Variants in ITGA5 observed in about 807,000 individuals in gnomAD.
The protein encoded by ITGA5 is integrin subunit alpha 5.
In ITGA5, 55 loss-of-function variants were observed where a neutral mutation model predicts 146.3. That is an observed-to-expected ratio of 0.38 (90% CI 0.30 to 0.47). The LOEUF is 0.47. Ranked by LOEUF, ITGA5 falls within the 20% of genes least tolerant of loss-of-function variation. The pLI, the probability that ITGA5 is intolerant of heterozygous loss-of-function variation, is 0.99. For missense variants in ITGA5, 1,131 were observed against 1,329.0 expected (o/e 0.85, Z 2.32); for synonymous variants, 500 against 531.8 (o/e 0.94, Z 0.82).
chr12:54,410,026 T>G (rs1027555458), intron 2 of ITGA5, among the ~76,000 whole-genome samples: 2 of 151,986 alleles, frequency 1.3e-5, no homozygotes, highest in Admixed American at 1.3e-4. Flanking sequence ...CTGGCTAATT[T>G]TTGTATTTTT....
At position 54,403,518 on chromosome 12, in the gene ITGA5, C is replaced by A; in HGVS notation, c.1776+107G>T. The stretch of plus-strand genomic sequence containing the variant: ...CCCTTTCTCAGCCCCTACAAGAGTC[C>A]CAAGCCCTTCACTGGAGTCCCCCAG... On this transcript the variant is annotated intron_variant, in intron 17 of 29. Transcript: ENST00000293379. The surrounding 1 kb of genome is among the most constrained non-coding windows in gnomAD (Gnocchi z 4.9). 7.2e-7 allele frequency: 1 copy of A among 1,383,616 alleles called. No individual in the cohort carries two copies. The highest frequency in any genetic ancestry group is 9.8e-7 in the Non-Finnish European group (1 of 1,017,856). 85.7% of individuals were successfully genotyped at this position (1,383,616 alleles called of 1,614,324 possible). A position where few individuals can be genotyped will look rare whatever the true frequency, so the allele number is the denominator to read the frequency against.
chr12:54,410,317 T>A (rs1955926507), intron 2 of ITGA5, among the ~76,000 whole-genome samples: 1 of 149,928 alleles, frequency 6.7e-6, no homozygotes. Context: ...ATACTTGGAC[T>A]GTGTCTCTAA....
At chr12:54,404,318 A>C in intron 14 of ITGA5, 72 bp from the exon 15 acceptor site, 1 of 1,570,074 alleles carries the variant, frequency 6.4e-7, no homozygotes, top group Non-Finnish European at 8.8e-7. Flanking sequence ...ACTGATGCCC[A>C]AGCGCCAGAA....
In ITGA5 at chr12:54,405,705, G is replaced by A; in HGVS notation, c.975C>T (p.Tyr325=). ...YNFSGEQMAS[Y]FGYAVAATDV... is the part of the protein sequence containing the mutation. ...CTGTGGCGGCCACTGCATAGCCAAAGTAGGAGGCCATCTGGGGAGGACAAA... is the reference window on the plus strand; with the variant it reads ...CTGTGGCGGCCACTGCATAGCCAAAATAGGAGGCCATCTGGGGAGGACAAA... Residue 325 remains tyrosine (Y), a synonymous_variant, in exon 11 of 30, where the codon TAC becomes TAT. Coordinates refer to ENST00000293379, the MANE Select transcript of ITGA5 (RefSeq NM_002205.5). 6.2e-7 allele frequency: 1 copy of A among 1,614,120 alleles called. No individual in the cohort carries two copies. The highest frequency in any genetic ancestry group is 1.6e-4 in the Middle Eastern group (1 of 6,062).
intron 12 of ITGA5, 124 bp downstream of exon 12, chr12:54,405,042 G>T: frequency 8.3e-7 from 1 of 1,206,284 alleles, no homozygotes; most frequent in Non-Finnish European, 1.2e-6. Context: ...CCAGACAGTG[G>T]GATTTTAACC....
At chr12:54,417,312 C>A (rs1956018581) in intron 1 of ITGA5, among the ~76,000 whole-genome samples, 1 of 151,976 alleles carries the variant, frequency 6.6e-6, no homozygotes, top group Admixed American at 6.6e-5. Flanking sequence ...TGCCAGACAA[C>A]TAGATACTCT....
Position 54,401,740 on chromosome 12 carries a change from C to T in ITGA5, c.2306+36G>A, listed in dbSNP as rs573534000. Reference sequence around the variant, plus strand: ...GGCGCCCAGCCCTCCCTTCCGTCCCCAGCTCAGCCCCAGCCTAGACACACT... The same window carrying T: ...GGCGCCCAGCCCTCCCTTCCGTCCCTAGCTCAGCCCCAGCCTAGACACACT... On this transcript the variant is annotated intron_variant, in intron 22 of 29. Transcript: ENST00000293379. The surrounding 1 kb of genome is among the most constrained non-coding windows in gnomAD (Gnocchi z 5.0). The T allele has an allele frequency of 1.8e-5, 29 of 1,612,094 alleles. No individual in the cohort carries two copies. The South Asian group carries it at 2.9e-4, about 16-fold the overall frequency.
In ITGA5 at chr12:54,403,134, C is replaced by T. The variant is rs752492010; in HGVS notation, c.1914+53G>A. 3.1e-6 allele frequency: 5 copies of T among 1,596,892 alleles called. No individual in the cohort carries two copies. Among genetic ancestry groups the T allele is most frequent in the East Asian group, 2.2e-5 (1 of 44,716 alleles). ...CTTCTCTTTCCATGGCCCTGCCCCC[C>T]CAATACCCAGGCCTCTGTCTTCCCA... On this transcript the variant is annotated intron_variant, in intron 18 of 29. Coordinates refer to ENST00000293379, the MANE Select transcript of ITGA5 (RefSeq NM_002205.5). This position sits in a 1 kb window ranked among gnomAD's most constrained non-coding sequence, Gnocchi z 4.9.
chr12:54,396,432 G>C (rs375995158), intron 29 of ITGA5, 56 bp from the exon 30 acceptor site: 8 of 1,374,488 alleles, frequency 5.8e-6, no homozygotes, highest in Middle Eastern at 1.8e-4. Flanking sequence ...TTTCTCCACA[G>C]CTCTTATTCC....
Position 54,405,161 on chromosome 12 carries a change from C to G in ITGA5, c.1225+5G>C. On this transcript the variant is annotated splice_donor_5th_base_variant and intron_variant, in intron 12 of 29. Coordinates refer to ENST00000293379, the MANE Select transcript of ITGA5 (RefSeq NM_002205.5). ...TCTTTCACTCTCTGAGCCCATGGTA[C>G]TCACCATTGTAGCCATCCTGGTCCA... 1.9e-6 allele frequency: 3 copies of G among 1,586,766 alleles called. No individual in the cohort carries two copies. The highest frequency in any genetic ancestry group is 2.6e-6 in the Non-Finnish European group (3 of 1,163,304).
In ITGA5 at chr12:54,401,124, A is replaced by C; in HGVS notation, c.2494-129T>G. 9.9e-7 allele frequency: 1 copy of C among 1,005,764 alleles called. No homozygotes were observed. The highest frequency in any genetic ancestry group is 1.5e-6 in the Non-Finnish European group (1 of 687,360). The allele number at this position is 1,005,764 out of a possible 1,614,324, so 62.3% of individuals were successfully genotyped here. A position where few individuals can be genotyped will look rare whatever the true frequency, so the allele number is the denominator to read the frequency against. ...TATCTCAGAGATGAAGCAGGGAAGCAATGGGCAGAGGTGAAATCCTCTCTA... is the reference window on the plus strand; with the variant it reads ...TATCTCAGAGATGAAGCAGGGAAGCCATGGGCAGAGGTGAAATCCTCTCTA... On this transcript the variant is annotated intron_variant, in intron 24 of 29. Coordinates refer to ENST00000293379, the MANE Select transcript of ITGA5 (RefSeq NM_002205.5). The surrounding 1 kb of genome is among the most constrained non-coding windows in gnomAD (Gnocchi z 5.0).
rs2120501887 is a variant in ITGA5, at chr12:54,403,140, C to T, written c.1914+47G>A. On this transcript the variant is annotated intron_variant, in intron 18 of 29. Transcript: ENST00000293379. This position sits in a 1 kb window ranked among gnomAD's most constrained non-coding sequence, Gnocchi z 4.9. ...TTTCCATGGCCCTGCCCCCCCAATACCCAGGCCTCTGTCTTCCCAGGTCCC... is the reference window on the plus strand; with the variant it reads ...TTTCCATGGCCCTGCCCCCCCAATATCCAGGCCTCTGTCTTCCCAGGTCCC... 6.3e-7 allele frequency: 1 copy of T among 1,591,526 alleles called. No homozygotes were observed. The highest frequency in any genetic ancestry group is 8.6e-7 in the Non-Finnish European group (1 of 1,169,338).
intron 1 of ITGA5, among the ~76,000 whole-genome samples, chr12:54,414,701 T>G (rs936464696): frequency 2.0e-5 from 3 of 150,038 alleles, no homozygotes; most frequent in African/African-American, 7.4e-5. Flanking sequence ...AAAAAAATTA[T>G]CCGGGCGTGG....
Position 54,396,321 on chromosome 12 carries a change from A to G in ITGA5, c.3122T>C (p.Leu1041Pro). 6.2e-7 allele frequency: 1 copy of G among 1,614,080 alleles called. No homozygotes were observed. The highest frequency in any genetic ancestry group is 8.5e-7 in the Non-Finnish European group (1 of 1,179,950). ...PYGTAMEKAQ[L>P]KPPATSDA ...GGCATCAGAGGTGGCTGGAGGCTTG[A>G]GCTGAGCTTTTTCCATGGCGGTGCC... Residue 1041 changes from leucine to proline, a missense_variant, in exon 30 of 30, where the codon CTC becomes CCC. Leu to Pro is a moderately conservative substitution (Grantham distance 98). Coordinates refer to ENST00000293379, the MANE Select transcript of ITGA5 (RefSeq NM_002205.5).
chr12:54,399,510 A>G (rs1565637936), intron 27 of ITGA5, 135 bp downstream of exon 27: 6 of 671,726 alleles, frequency 8.9e-6, no homozygotes, highest in Non-Finnish European at 1.3e-5. Flanking sequence ...TGGTCTAGAC[A>G]AGGGCAAGGA....
At chr12:54,404,041 A>T in intron 15 of ITGA5, 75 bp from the exon 16 acceptor site, 1 of 1,580,074 alleles carries the variant, frequency 6.3e-7, no homozygotes, top group Non-Finnish European at 8.7e-7. Flanking sequence ...TCTCCCAGCC[A>T]GACCCAGACT....
Position 54,411,766 on chromosome 12 carries a change from C to T in ITGA5, c.349+68G>A, listed in dbSNP as rs537797282. The stretch of plus-strand genomic sequence containing the variant: ...GCAGGCTCCACCCCTCGCCCCAGGC[C>T]CCACCCAGGCCTTGCCCCCAGGCTG... On this transcript the variant is annotated intron_variant, in intron 2 of 29. Transcript: ENST00000293379. 4 of 1,368,918 alleles carry T rather than the reference C, an allele frequency of 2.9e-6. No individual in the cohort carries two copies. In the South Asian group the frequency reaches 5.0e-5, roughly 17 times the overall value. The allele number at this position is 1,368,918 out of a possible 1,614,324, so 84.8% of individuals were successfully genotyped here. A position where few individuals can be genotyped will look rare whatever the true frequency, so the allele number is the denominator to read the frequency against.
intron 11 of ITGA5, 48 bp from the exon 12 acceptor site, chr12:54,405,422 C>T (rs977436033): frequency 2.6e-5 from 38 of 1,437,916 alleles, no homozygotes; most frequent in Non-Finnish European, 3.4e-5. Flanking sequence ...GTCTTGCCAC[C>T]CCACCCCAAT....
Position 54,402,003 on chromosome 12 carries a change from T to C in ITGA5, c.2224A>G (p.Ser742Gly), listed in dbSNP as rs1955791831. 6.2e-7 allele frequency: 1 copy of C among 1,614,090 alleles called. No individual in the cohort carries two copies. Among genetic ancestry groups the C allele is most frequent in the Non-Finnish European group, 8.5e-7 (1 of 1,179,970 alleles). Residue 742 changes from serine to glycine, a missense_variant and splice_region_variant, in exon 21 of 30, where the codon AGT becomes GGT. By Grantham distance (56) the Ser-to-Gly change is moderately conservative. Coordinates refer to ENST00000293379, the MANE Select transcript of ITGA5 (RefSeq NM_002205.5). Reference protein sequence around the residue: ...DLGNPMKAGASLWGGLRFTVP... With the variant: ...DLGNPMKAGAGLWGGLRFTVP... ...ATCCTCTTTCATCCCAAACTTACAC[T>C]GGCTCCTGCCTTCATGGGGTTGCCC...
Sources: gnomAD v4.1 joint callset for allele counts (sites outside exome capture counted in the v4.1 genomes callset) on GRCh38, gnomAD v4.1.1 for gene constraint, Gnocchi (gnomAD v3.1) non-coding constraint, MANE v1.5 for transcripts, NCBI Gene and HGNC (gene_info 2026-07-23, HGNC 2026-07-21) for gene names.